The following RNF38 variants were observed in gnomAD, a reference collection of about 807,000 sequenced individuals.
RNF38 encodes E3 ubiquitin-protein ligase RNF38.
A neutral mutation model predicts 67.2 loss-of-function variants in RNF38; 15 were observed. That is an observed-to-expected ratio of 0.22 (90% confidence interval 0.15 to 0.34). The LOEUF is 0.34. RNF38 is among the 10% of genes least tolerant of loss of function. The pLI, the probability that RNF38 is intolerant of heterozygous loss-of-function variation, is 1.00. For missense variants in RNF38, 524 were observed against 639.9 expected, an observed-to-expected ratio of 0.82 and a Z score of 1.95; for synonymous variants, 220 against 218.8, an observed-to-expected ratio of 1.01 and a Z score of -0.05.
At chr9:36,473,525 T>G (rs1294332957) in intron 1 of RNF38, among the ~76,000 whole-genome samples, 2 of 148,878 alleles carry the variant, frequency 1.3e-5, no homozygotes, top group Non-Finnish European at 3.0e-5. Flanking sequence ...GAGGTGGAGG[T>G]TGCAGTGAGC....
At chr9:36,451,491 G>GTTTTTTT (rs374396585) in intron 1 of RNF38, among the ~76,000 whole-genome samples, 2 of 58,670 alleles carry the variant, frequency 3.4e-5, no homozygotes, top group African/African-American at 6.6e-5. Flanking sequence ...AATTGTAGTA[G>GTTTTTTT]TTTTTTTTTT....
intron 2 of RNF38, among the ~76,000 whole-genome samples, chr9:36,386,595 G>C (rs1836657390): frequency 6.6e-6 from 1 of 152,102 alleles, no homozygotes; most frequent in Non-Finnish European, 1.5e-5. Flanking sequence ...CATCACGTTA[G>C]GCATTCTGAG....
chr9:36,360,615 T>C (rs1458593803), intron 4 of RNF38, among the ~76,000 whole-genome samples: 1 of 152,162 alleles, frequency 6.6e-6, no homozygotes, highest in African/African-American at 2.4e-5. Flanking sequence ...AAATTAGGGG[T>C]GTCCAACCTG....
intron 1 of RNF38, among the ~76,000 whole-genome samples, chr9:36,437,150 G>T (rs1209987264): frequency 2.0e-5 from 3 of 152,200 alleles, no homozygotes; most frequent in Non-Finnish European, 4.4e-5. Flanking sequence ...TCCTGGCACT[G>T]CAGCTGAGCA....
intron 1 of RNF38, among the ~76,000 whole-genome samples, chr9:36,469,011 C>T (rs1839931599): frequency 1.3e-5 from 2 of 152,124 alleles, no homozygotes; most frequent in Non-Finnish European, 2.9e-5. Context: ...ACTCAGGAGG[C>T]TGAGGCAGAA....
At chr9:36,400,926 C>A (rs1837984467), upstream of RNF38, 2 of 984,892 alleles carry the variant, frequency 2.0e-6, no homozygotes, top group Admixed American at 6.2e-5. Context: ...CCCGCCGCAC[C>A]CCGCCTCACC....
upstream of RNF38, chr9:36,400,465 C>A: frequency 9.7e-6 from 10 of 1,033,580 alleles, no homozygotes; most frequent in Non-Finnish European, 1.2e-5. Flanking sequence ...AAACCTTAGC[C>A]CAAGACTCGG....
intron 1 of RNF38, among the ~76,000 whole-genome samples, chr9:36,464,094 G>A (rs561110653): frequency 4.5e-4 from 69 of 152,132 alleles, no homozygotes; most frequent in Non-Finnish European, 9.0e-4. Context: ...AACCCGGGAG[G>A]TGGAGATTGC....
chr9:36,351,091 T>G, intron 9 of RNF38, 24 bp downstream of exon 9: 1 of 1,490,964 alleles, frequency 6.7e-7, no homozygotes, highest in South Asian at 1.1e-5. Context: ...ATTCCCCAAA[T>G]TAATTCACAA....
chr9:36,458,937 C>T (rs1016786277), intron 1 of RNF38, among the ~76,000 whole-genome samples: 18 of 152,318 alleles, frequency 1.2e-4, no homozygotes, highest in African/African-American at 4.1e-4. Context: ...TCTGGCTGGA[C>T]GCGGTGGATC....
At chr9:36,372,535 G>A (rs1012004144) in intron 3 of RNF38, 2 of 715,114 alleles carry the variant, frequency 2.8e-6, no homozygotes, top group Admixed American at 2.0e-5. Context: ...GTTAAAAACT[G>A]CATCTGCTTG....
chr9:36,376,697 G>C (rs886906689), intron 2 of RNF38, among the ~76,000 whole-genome samples: 1 of 151,996 alleles, frequency 6.6e-6, no homozygotes, highest in African/African-American at 2.4e-5. Context: ...AGGCAGAGGC[G>C]GGTGGATCAC....
intron 6 of RNF38, among the ~76,000 whole-genome samples, chr9:36,355,012 G>C (rs1211007971): frequency 6.6e-6 from 1 of 152,110 alleles, no homozygotes; most frequent in Non-Finnish European, 1.5e-5. Context: ...TTTTGCTTTA[G>C]CCTTGAATTC....
At chr9:36,340,259 G>A (rs1291871028) in intron 11 of RNF38, among the ~76,000 whole-genome samples, 2 of 152,130 alleles carry the variant, frequency 1.3e-5, no homozygotes, top group African/African-American at 2.4e-5. Flanking sequence ...GATTACAGGC[G>A]TGAGCCACTG....
chr9:36,487,446 G>T (rs1840445775), exon 1 of RNF38: 1 of 980,496 alleles, frequency 1.0e-6, no homozygotes, highest in Non-Finnish European at 1.2e-6. Flanking sequence ...CGGCGCGGGG[G>T]CCCAAGCTCG....
intron 1 of RNF38, among the ~76,000 whole-genome samples, chr9:36,468,859 A>G (rs1435295781): frequency 6.6e-6 from 1 of 152,106 alleles, no homozygotes; most frequent in African/African-American, 2.4e-5. Context: ...CACACCTGTA[A>G]TCCCAACACT....
chr9:36,357,706 G>T, intron 5 of RNF38, 69 bp downstream of exon 5: 3 of 1,337,266 alleles, frequency 2.2e-6, no homozygotes, highest in Non-Finnish European at 3.2e-6. Context: ...GAGTCGGGAA[G>T]TTACAAAACC....
chr9:36,352,941 T>A, intron 7 of RNF38, 93 bp from the exon 8 acceptor site: 1 of 949,086 alleles, frequency 1.1e-6, no homozygotes, highest in Non-Finnish European at 1.6e-6. Flanking sequence ...ACTTAAACAG[T>A]AAAGTTCTTT....
At position 36,338,808 on chromosome 9, in the gene RNF38, AG is replaced by A. The variant is rs1359822476; in HGVS notation, c.*943del. The A allele has an allele frequency of 4.6e-5, 7 of 152,720 alleles. No individual in the cohort carries two copies. The highest frequency in any genetic ancestry group is 3.3e-4 in the Admixed American group (5 of 15,302). The allele number at this position is 152,720 out of a possible 1,614,324, so 9.5% of individuals were successfully genotyped here. On this transcript the variant is annotated 3_prime_UTR_variant, in exon 12 of 12. Coordinates refer to ENST00000259605, the MANE Select transcript of RNF38 (RefSeq NM_022781.5). ...TGTAAGAAACTTACTGGAAATGTAA[AG>A]GAAAAAAAAGTATCAACATTCAAAT...
Sources: gnomAD v4.1 joint callset for allele counts (sites outside exome capture counted in the v4.1 genomes callset) on GRCh38, gnomAD v4.1.1 for gene constraint, MANE v1.5 for transcripts, NCBI Gene and HGNC (gene_info 2026-07-23, HGNC 2026-07-21) for gene names.